The following PCDHA6 variants were observed in gnomAD, a reference collection of about 807,000 sequenced individuals.
PCDHA6 encodes protocadherin alpha 6, also known as protocadherin alpha-6.
In PCDHA6, 55 loss-of-function variants were observed where a neutral mutation model predicts 60.3. The ratio of observed to expected loss-of-function variants is 0.91; its 90% confidence interval spans 0.73 to 1.14. PCDHA6 has a LOEUF of 1.14. Among genes scored for constraint, PCDHA6 ranks in the 50% most tolerant of loss-of-function variants. The pLI is 0.00. For synonymous variants in PCDHA6, 652 were observed against 557.9 expected, an observed-to-expected ratio of 1.17 and a Z score of -2.38; for missense variants, 1,327 against 1,256.5, an observed-to-expected ratio of 1.06 and a Z score of -0.85.
chr5:140,925,395 GCCT>G (rs2082476248), intron 1 of PCDHA6, among the ~76,000 whole-genome samples: 1 of 151,998 alleles, frequency 6.6e-6, no homozygotes, highest in Non-Finnish European at 1.5e-5. Flanking sequence ...CTTTTGGCTC[GCCT>G]CCTTCTTAGG....
intron 1 of PCDHA6, chr5:140,928,782 T>C (rs2085522837): frequency 6.2e-7 from 1 of 1,614,030 alleles, no homozygotes; most frequent in East Asian, 2.2e-5. Context: ...CTGATGCAGT[T>C]AAGCAGAGGG....
In PCDHA6 at chr5:140,843,809, A is replaced by G; in HGVS notation, c.2394+13324A>G. 2.3e-6 allele frequency: 3 copies of G among 1,286,100 alleles called. 1 individual carries two copies. Among genetic ancestry groups the G allele is most frequent in the Non-Finnish European group, 3.2e-6 (3 of 925,236 alleles). 79.7% of individuals were successfully genotyped at this position (1,286,100 alleles called of 1,614,324 possible). A position where few individuals can be genotyped will look rare whatever the true frequency, so the allele number is the denominator to read the frequency against. On this transcript the variant is annotated intron_variant, in intron 1 of 3. Coordinates refer to ENST00000529310, the MANE Select transcript of PCDHA6 (RefSeq NM_018909.4). ...CAGATTTAGTTTTTCACCGTATTTTATAGTGAAAATTTAAACATTGTTTAG... is the reference window on the plus strand; with the variant it reads ...CAGATTTAGTTTTTCACCGTATTTTGTAGTGAAAATTTAAACATTGTTTAG...
intron 1 of PCDHA6, among the ~76,000 whole-genome samples, chr5:140,897,430 C>A (rs1297820601): frequency 6.7e-6 from 1 of 148,618 alleles, no homozygotes; most frequent in East Asian, 2.0e-4. Flanking sequence ...TGAGTGAGAA[C>A]ATGCAGTGTT....
Position 140,885,793 on chromosome 5 carries a change from A to G in PCDHA6, c.2394+55308A>G, listed in dbSNP as rs541928241. On this transcript the variant is annotated intron_variant, in intron 1 of 3. Coordinates refer to ENST00000529310, the MANE Select transcript of PCDHA6 (RefSeq NM_018909.4). ...TATTAGTGAATTTGAGCATATTGTCATATGTATTTTGTTGATTTGTATTTG... is the reference window on the plus strand; with the variant it reads ...TATTAGTGAATTTGAGCATATTGTCGTATGTATTTTGTTGATTTGTATTTG... Among the ~76,000 whole-genome samples the G allele has an allele frequency of 2.0e-5, 3 of 152,162 alleles. No homozygotes were observed. The South Asian group carries it at 6.2e-4, about 32-fold the overall frequency.
chr5:140,834,543 C>T, intron 1 of PCDHA6: 4 of 1,614,084 alleles, frequency 2.5e-6, no homozygotes, highest in Non-Finnish European at 3.4e-6. Flanking sequence ...GGACCTGGGG[C>T]TGGAGCTGGC....
intron 1 of PCDHA6, among the ~76,000 whole-genome samples, chr5:140,934,801 A>G (rs1470129792): frequency 1.3e-5 from 2 of 152,194 alleles, no homozygotes; most frequent in Non-Finnish European, 2.9e-5. Flanking sequence ...TATCTTTTTA[A>G]TGATCAAATT....
In PCDHA6 at chr5:140,857,190, A is replaced by C. The variant is rs782160902; in HGVS notation, c.2394+26705A>C. The C allele has an allele frequency of 1.3e-5, 21 of 1,598,418 alleles. 2 individuals are homozygous for C. Among genetic ancestry groups the C allele is most frequent in the Non-Finnish European group, 8.6e-7 (1 of 1,167,936 alleles). On this transcript the variant is annotated intron_variant, in intron 1 of 3. Coordinates refer to ENST00000529310, the MANE Select transcript of PCDHA6 (RefSeq NM_018909.4). Reference sequence around the variant, plus strand: ...GTTTCTGACCATGATTCAGGAGCCAACGGACAGGTCACCTGCTCTCTGACG... The same window carrying C: ...GTTTCTGACCATGATTCAGGAGCCACCGGACAGGTCACCTGCTCTCTGACG...
chr5:140,876,992 A>T (rs1222630901), intron 1 of PCDHA6: 1 of 1,612,438 alleles, frequency 6.2e-7, no homozygotes, highest in Non-Finnish European at 8.5e-7. Flanking sequence ...CTGTCGAGCT[A>T]CGTGTCGGTG....
chr5:140,947,192 C>T (rs958443362), intron 1 of PCDHA6, among the ~76,000 whole-genome samples: 2 of 151,038 alleles, frequency 1.3e-5, no homozygotes, highest in Admixed American at 6.6e-5. Flanking sequence ...GTATACTACA[C>T]AGCCTTAAAA....
chr5:140,848,742 A>T (rs2150419290), intron 1 of PCDHA6: 2 of 1,593,114 alleles, frequency 1.3e-6, no homozygotes, highest in South Asian at 2.2e-5. Context: ...GCAGAATGGC[A>T]TTTTGTTTGT....
At chr5:140,842,679 C>A in intron 1 of PCDHA6, 1 of 1,595,330 alleles carries the variant, frequency 6.3e-7, no homozygotes, top group Non-Finnish European at 8.6e-7. Context: ...GACAATGCTC[C>A]GGCGTTCGCG....
intron 1 of PCDHA6, among the ~76,000 whole-genome samples, chr5:140,886,840 A>G (rs1175023921): frequency 4.0e-5 from 6 of 151,546 alleles, no homozygotes; most frequent in South Asian, 2.1e-4. Context: ...AAAAAAAAAA[A>G]AAAAAAAGAA....
intron 1 of PCDHA6, chr5:140,876,180 T>G (rs782772220): frequency 1.2e-6 from 2 of 1,613,982 alleles, no homozygotes; most frequent in East Asian, 4.5e-5. Flanking sequence ...TGGATGTGAA[T>G]GACAATGGTC....
At chr5:140,995,653 G>A (rs964259982) in intron 3 of PCDHA6, among the ~76,000 whole-genome samples, 1 of 152,100 alleles carries the variant, frequency 6.6e-6, no homozygotes, top group Non-Finnish European at 1.5e-5. Context: ...AAGGAGAATC[G>A]AAAAGGGAAG....
At chr5:140,857,691 T>C (rs189067845) in intron 1 of PCDHA6, 2 of 1,597,004 alleles carry the variant, frequency 1.3e-6, no homozygotes, top group Non-Finnish European at 1.7e-6. Context: ...GGCAGCAACT[T>C]GACGCTGCAG....
chr5:140,967,386 T>TA, intron 1 of PCDHA6: 1 of 1,609,114 alleles, frequency 6.2e-7, no homozygotes, highest in Non-Finnish European at 8.5e-7. Context: ...AGTAAAGTGC[T>TA]TGAGCTGGTG....
At chr5:140,976,884 A>T (rs1423993981) in intron 1 of PCDHA6, among the ~76,000 whole-genome samples, 1 of 152,232 alleles carries the variant, frequency 6.6e-6, no homozygotes, top group Non-Finnish European at 1.5e-5. Context: ...AAGAATTAGG[A>T]TACATGCAAC....
chr5:140,967,601 C>A lies in PCDHA6; in HGVS notation c.2395-11348C>A, dbSNP rs782574259. The A allele has an allele frequency of 9.3e-6, 15 of 1,614,144 alleles. No individual in the cohort carries two copies. The highest frequency in any genetic ancestry group is 1.3e-5 in the Non-Finnish European group (15 of 1,180,034). ...ACCCCCAGGCACATTGGTGGTGAAGCTGAATGCCTCAGACCCGGATGAGGG... is the reference window on the plus strand; with the variant it reads ...ACCCCCAGGCACATTGGTGGTGAAGATGAATGCCTCAGACCCGGATGAGGG... On this transcript the variant is annotated intron_variant, in intron 1 of 3. Transcript: ENST00000529310.
rs2150283763 is a variant in PCDHA6 at position 140,838,077 on chromosome 5, AGTGTGTGTGTGTGTGTGT to A, written c.2394+7629_2394+7646del. On this transcript the variant is annotated intron_variant, in intron 1 of 3. Coordinates refer to ENST00000529310, the MANE Select transcript of PCDHA6 (RefSeq NM_018909.4). ...TTTCCACTTTAAGTTATATATATAT[AGTGTGTGTGTGTGTGTGT>A]GTGTGTGTGTGTGTGTGTGTGTGTG... Among the ~76,000 whole-genome samples the A allele has an allele frequency of 8.8e-4, 71 of 80,700 alleles. No individual in the cohort carries two copies. The South Asian group carries it at 0.01, about 12-fold the overall frequency. The allele number at this position is 80,700 out of a possible 152,430, so 52.9% of individuals were successfully genotyped here. A position where few individuals can be genotyped will look rare whatever the true frequency, so the allele number is the denominator to read the frequency against.
Sources: allele counts gnomAD v4.1 joint callset (sites outside exome capture counted in the v4.1 genomes callset), GRCh38; gene constraint gnomAD v4.1.1; transcripts MANE v1.5; gene names NCBI Gene and HGNC (gene_info 2026-07-23, HGNC 2026-07-21).